The following DST variants were observed in gnomAD, a reference collection of about 807,000 sequenced individuals.
DST encodes the protein bullous pemphigoid antigen.
In DST, 253 loss-of-function variants were observed where a neutral mutation model predicts 875.2. The ratio of observed to expected loss-of-function variants is 0.29; its 90% confidence interval spans 0.26 to 0.32. The LOEUF is 0.32. DST is among the 10% of genes least tolerant of loss of function. DST has a pLI of 1.00. For missense variants in DST, 8,287 were observed against 9,111.6 expected (o/e 0.91, Z 3.68); for synonymous variants, 3,124 against 3,197.1 (o/e 0.98, Z 0.77).
At chr6:56,782,887 T>C (rs2099696997) in intron 4 of DST, among the ~76,000 whole-genome samples, 1 of 152,240 alleles carries the variant, frequency 6.6e-6, no homozygotes, top group Non-Finnish European at 1.5e-5. Context: ...CTCTACACAC[T>C]GCTTTGAATG....
At chr6:56,902,129 G>C (rs1794403285) in intron 2 of DST, among the ~76,000 whole-genome samples, 1 of 152,190 alleles carries the variant, frequency 6.6e-6, no homozygotes, top group African/African-American at 2.4e-5. Context: ...ATAATACATA[G>C]ATGATAGACA....
intron 61 of DST, among the ~76,000 whole-genome samples, chr6:56,549,216 G>A (rs1049901932): frequency 6.6e-6 from 1 of 152,008 alleles, no homozygotes; most frequent in Non-Finnish European, 1.5e-5. Context: ...AGTTTATTTT[G>A]TATTAAGAAA....
At chr6:56,556,386 T>C (rs1220992062) in intron 59 of DST, among the ~76,000 whole-genome samples, 2 of 152,170 alleles carry the variant, frequency 1.3e-5, no homozygotes, top group Non-Finnish European at 2.9e-5. Flanking sequence ...TAGGCTCAAC[T>C]TGACTCATAA....
Position 56,954,678 on chromosome 6 carries a change from G to A in DST, c.-91C>T, listed in dbSNP as rs906607615. 70 of 870,656 alleles carry A rather than the reference G, an allele frequency of 8.0e-5. No individual in the cohort carries two copies. The highest frequency in any genetic ancestry group is 9.8e-5 in the Non-Finnish European group (69 of 704,696). 53.9% of individuals were successfully genotyped at this position (870,656 alleles called of 1,614,324 possible). A position where few individuals can be genotyped will look rare whatever the true frequency, so the allele number is the denominator to read the frequency against. On this transcript the variant is annotated 5_prime_UTR_variant, in exon 1 of 104. Coordinates refer to ENST00000680361, the MANE Select transcript of DST (RefSeq NM_001374736.1). ...GGGCGCACGCCGGGACGGCGGGCAC[G>A]GGTGAGCGCGGCTCAGCGCGTCATG...
At chr6:56,587,517 T>C (rs369127430) in intron 49 of DST, among the ~76,000 whole-genome samples, 1 of 151,984 alleles carries the variant, frequency 6.6e-6, no homozygotes, top group Non-Finnish European at 1.5e-5. Flanking sequence ...ACTTCCCCAA[T>C]CTAGCAAGGC....
chr6:56,592,062 G>C, intron 49 of DST, 120 bp downstream of exon 49: 1 of 865,060 alleles, frequency 1.2e-6, no homozygotes, highest in Non-Finnish European at 1.8e-6. Context: ...TCTGGAGGCA[G>C]AAGTATACTT....
chr6:56,617,076 T>C, intron 36 of DST: 1 of 1,613,974 alleles, frequency 6.2e-7, no homozygotes, highest in East Asian at 2.2e-5. Flanking sequence ...GTCAGAAACT[T>C]GTTAAGAGTT....
chr6:56,548,855 T>C (rs2097272298), intron 61 of DST, among the ~76,000 whole-genome samples: 1 of 152,186 alleles, frequency 6.6e-6, no homozygotes, highest in Admixed American at 6.5e-5. Flanking sequence ...ATAATCAAAA[T>C]AGTTTTAAAA....
In DST at chr6:56,606,262, T is replaced by G; in HGVS notation, c.8366A>C (p.Gln2789Pro). Reference protein sequence around the residue: ...HSDTDHLDSMQSEESYGDYIY... With the variant: ...HSDTDHLDSMPSEESYGDYIY... ...ATAATCCCCATAACTTTCTTCACTT[T>G]GCATAGAATCTAAATGATCAGTATC... The change falls in exon 40 of 104, where the codon CAA becomes CCA. Residue 2789 changes from glutamine (Q) to proline (P), a missense_variant. Gln to Pro is a moderately conservative substitution (Grantham distance 76, BLOSUM62 -1). Around this residue, in one of 10 missense-constraint regions of DST, gnomAD observed 3,138 missense variants for 3,116.6 expected, o/e 1.01. Coordinates refer to ENST00000680361, the MANE Select transcript of DST (RefSeq NM_001374736.1). The G allele has an allele frequency of 4.4e-6, 7 of 1,574,752 alleles. No individual in the cohort carries two copies. The South Asian group carries it at 8.0e-5, about 18-fold the overall frequency.
At position 56,529,449 on chromosome 6, in the gene DST, C is replaced by T. The variant is rs1337902035; in HGVS notation, c.17594G>A (p.Arg5865Gln). 7.5e-6 allele frequency: 11 copies of T among 1,466,500 alleles called. No homozygotes were observed. The highest frequency in any genetic ancestry group is 5.0e-5 in the South Asian group (3 of 60,332). The allele number at this position is 1,466,500 out of a possible 1,614,324, so 90.8% of individuals were successfully genotyped here. The change falls in exon 66 of 104, where the codon CGG becomes CAG. Residue 5865 changes from arginine (R) to glutamine (Q), a missense_variant and splice_region_variant. Around this residue, in one of 10 missense-constraint regions of DST, gnomAD observed 777 missense variants for 764.8 expected, o/e 1.02. Coordinates refer to ENST00000680361, the MANE Select transcript of DST (RefSeq NM_001374736.1). ...ATAAAATAAAATAAATCAAAATACC[C>T]GAAGTTCAGACTGCTGCTTCCATAG... is the stretch of plus-strand genomic sequence containing the variant. ...EGLWKQQSEL[R>Q]VLQEDILLRK...
Position 56,552,458 on chromosome 6 carries a change from G to A in DST, c.16334C>T (p.Thr5445Ile), listed in dbSNP as rs2097340696. The A allele has an allele frequency of 6.2e-7, 1 of 1,613,816 alleles. No individual in the cohort carries two copies. Among genetic ancestry groups the A allele is most frequent in the Non-Finnish European group, 8.5e-7 (1 of 1,179,880 alleles). ...LMASNDNANK[T>I]CKMMLATEET... is the part of the protein sequence containing the mutation. ...TTCTGTGGCTAACATCATCTTGCAG[G>A]TTTTATTGGCATTGTCATTGCTTGC... The change falls in exon 61 of 104, where the codon ACC becomes ATC. Residue 5445 changes from threonine to isoleucine, a missense_variant. Thr to Ile is a moderately conservative substitution (Grantham distance 89). Coordinates refer to ENST00000680361, the MANE Select transcript of DST (RefSeq NM_001374736.1).
intron 10 of DST, among the ~76,000 whole-genome samples, chr6:56,651,487 C>A (rs2098975468): frequency 6.6e-6 from 1 of 152,208 alleles, no homozygotes; most frequent in Non-Finnish European, 1.5e-5. Context: ...ACAAAGTCTA[C>A]AAATATATCA....
At chr6:56,600,864 C>T (rs1013889372) in intron 44 of DST, among the ~76,000 whole-genome samples, 1 of 152,054 alleles carries the variant, frequency 6.6e-6, no homozygotes, top group East Asian at 1.9e-4. Flanking sequence ...CCATAGATCA[C>T]GTTTACTAAG....
At chr6:56,766,401 T>C (rs2099633410) in intron 4 of DST, among the ~76,000 whole-genome samples, 1 of 152,134 alleles carries the variant, frequency 6.6e-6, no homozygotes. Flanking sequence ...CAAAGATGGG[T>C]AAAAGAAATC....
chr6:56,703,271 T>C lies in DST; in HGVS notation c.876+377A>G, dbSNP rs567331184. Among the ~76,000 whole-genome samples, 62 of 152,326 alleles carry C rather than the reference T, an allele frequency of 4.1e-4. 1 individual carries two copies. The South Asian group carries it at 0.013, about 31-fold the overall frequency. On this transcript the variant is annotated intron_variant, in intron 7 of 103. Coordinates refer to ENST00000680361, the MANE Select transcript of DST (RefSeq NM_001374736.1). ...CATAAAAAGCAATAAATAGTTGCTA[T>C]GTTTGAAATATCACTTCCAGAAACT...
intron 4 of DST, among the ~76,000 whole-genome samples, chr6:56,746,804 A>G (rs1475093815): frequency 2.6e-5 from 4 of 152,332 alleles, no homozygotes; most frequent in Non-Finnish European, 4.4e-5. Flanking sequence ...TATGTATTAC[A>G]TATTCCGGTG....
intron 71 of DST, 43 bp downstream of exon 71, chr6:56,517,155 T>C (rs2096610257): frequency 7.0e-7 from 1 of 1,435,840 alleles, no homozygotes; most frequent in Non-Finnish European, 9.8e-7. Flanking sequence ...ACACCTGCTG[T>C]TTTTTCAAGA....
In DST at chr6:56,604,939, G is replaced by C. The variant is rs746558316; in HGVS notation, c.9689C>G (p.Thr3230Ser). The stretch of plus-strand genomic sequence containing the variant: ...AAGAGGTGAGTCTTTTTGGGTACTA[G>C]TGGACTTCTCTTTTGTATTATTAAC... ...LGVNNTKEKSTSTQKDSPLND... is the reference protein window; with the variant it reads ...LGVNNTKEKSSSTQKDSPLND... Residue 3230 changes from threonine (T) to serine (S), a missense_variant, in exon 40 of 104, where the codon ACT (threonine) becomes AGT (serine). Thr to Ser is a moderately conservative substitution (Grantham distance 58). Coordinates refer to ENST00000680361, the MANE Select transcript of DST (RefSeq NM_001374736.1). The C allele has an allele frequency of 8.1e-6, 13 of 1,612,716 alleles. No homozygotes were observed. Among genetic ancestry groups the C allele is most frequent in the Non-Finnish European group, 1.1e-5 (13 of 1,179,258 alleles).
chr6:56,669,449 A>G (rs1188731375), intron 10 of DST, among the ~76,000 whole-genome samples: 1 of 151,980 alleles, frequency 6.6e-6, no homozygotes, highest in Non-Finnish European at 1.5e-5. Flanking sequence ...TACAAAAATT[A>G]GCCGGGTGTG....
Sources: allele counts gnomAD v4.1 joint callset (sites outside exome capture counted in the v4.1 genomes callset), GRCh38; gene constraint gnomAD v4.1.1; regional missense constraint gnomAD v4.1.1; transcripts MANE v1.5; gene names NCBI Gene and HGNC (gene_info 2026-07-23, HGNC 2026-07-21).